SEMA6D: variants seen among roughly 807,000 people sequenced by gnomAD.
The protein encoded by SEMA6D is semaphorin-6D.
Under a neutral mutation model 106.6 loss-of-function variants are expected in SEMA6D, and 35 were observed. That is an observed-to-expected ratio of 0.33 (90% CI 0.25 to 0.44). The LOEUF (loss-of-function observed/expected upper bound fraction) is 0.44. Among genes scored for constraint, SEMA6D ranks in the 20% least tolerant of loss-of-function variants. SEMA6D has a pLI of 1.00. For missense variants in SEMA6D, 1,185 were observed against 1,345.9 expected (o/e 0.88, Z 1.87); for synonymous variants, 499 against 487.7 (o/e 1.02, Z -0.31).
chr15:47,695,472 C>T (rs1108605), intron 4 of SEMA6D, among the ~76,000 whole-genome samples: 55,823 of 151,726 alleles, frequency 0.37, 11,438 homozygotes, highest in Middle Eastern at 0.49. Context: ...CCCTGATAAC[C>T]TCTACATAGG....
chr15:47,757,886 T>C (rs2081846668), intron 1 of SEMA6D, among the ~76,000 whole-genome samples: 1 of 152,178 alleles, frequency 6.6e-6, no homozygotes, highest in African/African-American at 2.4e-5. Flanking sequence ...GCCAGGCATT[T>C]GCTTCCTTTT....
At chr15:47,565,499 A>C (rs1381719970) in intron 3 of SEMA6D, among the ~76,000 whole-genome samples, 1 of 152,228 alleles carries the variant, frequency 6.6e-6, no homozygotes, top group Non-Finnish European at 1.5e-5. Flanking sequence ...GAGTCCTGCA[A>C]AGGAGTCAGG....
chr15:47,255,582 A>G (rs539244824), intron 1 of SEMA6D, among the ~76,000 whole-genome samples: 88 of 152,088 alleles, frequency 5.8e-4, no homozygotes, highest in Non-Finnish European at 1.0e-4. Flanking sequence ...ATATTTTGAT[A>G]TTAGTCATCA....
intron 1 of SEMA6D, among the ~76,000 whole-genome samples, chr15:47,381,564 A>C (rs534028841): frequency 6.6e-6 from 1 of 152,236 alleles, no homozygotes; most frequent in South Asian, 2.1e-4. Context: ...CTGTAACAGG[A>C]GTGACTTGAG....
intron 3 of SEMA6D, among the ~76,000 whole-genome samples, chr15:47,497,663 A>T (rs2043712471): frequency 6.6e-6 from 1 of 152,056 alleles, no homozygotes. Context: ...TTCCTTCCCG[A>T]TGCACCTTGG....
chr15:47,365,890 G>GGAGAGAGAGAGAGAGA (rs201368884), intron 1 of SEMA6D, among the ~76,000 whole-genome samples: 120 of 119,794 alleles, frequency 1.0e-3, no homozygotes, highest in African/African-American at 3.4e-3. Flanking sequence ...GAGAGAGAGA[G>GGAGAGAGAGAGAGAGA]GAGAGAGAGA....
At chr15:47,281,684 G>A (rs1000233757) in intron 1 of SEMA6D, among the ~76,000 whole-genome samples, 4 of 152,012 alleles carry the variant, frequency 2.6e-5, no homozygotes, top group Non-Finnish European at 5.9e-5. Context: ...TTGATATAAT[G>A]TCTGTGCATC....
chr15:47,327,153 C>T (rs912145181), intron 1 of SEMA6D, among the ~76,000 whole-genome samples: 2 of 152,130 alleles, frequency 1.3e-5, no homozygotes, highest in Non-Finnish European at 2.9e-5. Context: ...CCTGGCTTCT[C>T]GCTTACTAGG....
At chr15:47,357,195 G>A (rs1399828215) in intron 1 of SEMA6D, among the ~76,000 whole-genome samples, 3 of 151,942 alleles carry the variant, frequency 2.0e-5, no homozygotes, top group East Asian at 3.9e-4. Flanking sequence ...TTAGCCGGGC[G>A]AGGTGGCGGG....
intron 1 of SEMA6D, among the ~76,000 whole-genome samples, chr15:47,279,028 A>G (rs2034973568): frequency 8.0e-6 from 1 of 124,506 alleles, no homozygotes; most frequent in Non-Finnish European, 1.7e-5. Context: ...CTTGTAGTAT[A>G]GTTTGAAGTC....
chr15:47,425,509 G>T (rs1383690147), intron 2 of SEMA6D, among the ~76,000 whole-genome samples: 1 of 151,864 alleles, frequency 6.6e-6, no homozygotes, highest in African/African-American at 2.4e-5. Context: ...CAAGGCTAAT[G>T]GGCTAATCAA....
At chr15:47,251,300 G>A (rs560680791) in intron 1 of SEMA6D, among the ~76,000 whole-genome samples, 7 of 152,178 alleles carry the variant, frequency 4.6e-5, no homozygotes, top group Admixed American at 3.3e-4. Context: ...AGGCAGATTC[G>A]TCATCAGGAA....
At chr15:47,185,545 C>T (rs1456489180) in intron 1 of SEMA6D, 1 of 151,972 alleles carries the variant, frequency 6.6e-6, no homozygotes, top group African/African-American at 2.4e-5. Flanking sequence ...TTTGTGCCTT[C>T]AGCTAGTCGA....
upstream of SEMA6D, among the ~76,000 whole-genome samples, chr15:47,716,839 T>G (rs1032332717): frequency 2.0e-5 from 3 of 148,568 alleles, no homozygotes; most frequent in Non-Finnish European, 4.4e-5. Context: ...GGATTTTTAG[T>G]AGGCAATTTC....
chr15:47,632,417 A>G (rs1320221161), intron 4 of SEMA6D, among the ~76,000 whole-genome samples: 1 of 151,620 alleles, frequency 6.6e-6, no homozygotes, highest in Non-Finnish European at 1.5e-5. Flanking sequence ...GTCTCCAGCT[A>G]TAATTGTGCA....
intron 16 of SEMA6D, 125 bp from the exon 17 acceptor site, chr15:47,766,912 C>T (rs1477360454): frequency 4.8e-6 from 3 of 622,606 alleles, no homozygotes; most frequent in Non-Finnish European, 8.2e-6. Context: ...GTAGTCTAAC[C>T]AGTAGGTTAA....
intron 1 of SEMA6D, among the ~76,000 whole-genome samples, chr15:47,304,859 T>G: frequency 6.6e-6 from 1 of 152,204 alleles, no homozygotes; most frequent in Non-Finnish European, 1.5e-5. Context: ...CTACAAGACC[T>G]GCCAAGTTTG....
At chr15:47,318,957 A>G (rs1054640420) in intron 1 of SEMA6D, among the ~76,000 whole-genome samples, 38 of 152,112 alleles carry the variant, frequency 2.5e-4, no homozygotes, top group Non-Finnish European at 1.0e-4. Flanking sequence ...AATGATTGCC[A>G]TTCTAACTGG....
intron 1 of SEMA6D, among the ~76,000 whole-genome samples, chr15:47,742,403 C>T (rs929329215): frequency 1.3e-5 from 2 of 152,090 alleles, no homozygotes; most frequent in African/African-American, 4.8e-5. Context: ...CCTTGCTGCA[C>T]GGGAGGGATC....
Sources: allele counts gnomAD v4.1 joint callset (sites outside exome capture counted in the v4.1 genomes callset), GRCh38; gene constraint gnomAD v4.1.1; transcripts MANE v1.5; gene names NCBI Gene and HGNC (gene_info 2026-07-23, HGNC 2026-07-21).